NUP93: variants seen among roughly 807,000 people sequenced by gnomAD.
NUP93 encodes nucleoporin 93.
NUP93 carries 55 observed loss-of-function variants against 107.8 expected under a neutral mutation model. The observed-to-expected ratio is 0.51, with a 90% confidence interval of 0.41 to 0.64. The LOEUF (loss-of-function observed/expected upper bound fraction) is 0.64, where lower values mean the gene tolerates loss of function less well. Ranked by LOEUF, NUP93 falls within the 30% of genes least tolerant of loss-of-function variation. The pLI is 0.00. For synonymous variants in NUP93, 390 were observed against 397.5 expected, an observed-to-expected ratio of 0.98 and a Z score of 0.22; for missense variants, 937 against 1,044.7, an observed-to-expected ratio of 0.90 and a Z score of 1.42.
At chr16:56,826,086 A>T (rs563173479) in intron 8 of NUP93, among the ~76,000 whole-genome samples, 79 of 152,344 alleles carry the variant, frequency 5.2e-4, no homozygotes, top group Non-Finnish European at 8.7e-4. Flanking sequence ...CCCTCAAGGA[A>T]TTTAGACTTC....
chr16:56,842,039 A>G (rs1426322374), intron 21 of NUP93, among the ~76,000 whole-genome samples: 1 of 152,202 alleles, frequency 6.6e-6, no homozygotes, highest in African/African-American at 2.4e-5. Flanking sequence ...AAATAAAAAG[A>G]TGTACTAGGT....
chr16:56,836,656 C>T lies in NUP93; in HGVS notation c.1838C>T (p.Ala613Val). The T allele has an allele frequency of 6.2e-7, 1 of 1,614,144 alleles. No homozygotes were observed. The change falls in exon 17 of 22, where the codon GCT becomes GTT. Residue 613 changes from alanine (A) to valine (V), a missense_variant. Physicochemically the swap from Ala to Val is moderately conservative, Grantham distance 64. Transcript: ENST00000308159. ...ACAAAGCCTATTATCAACAAAGTTGCTTCTGTGGCAGAAAATAAAGGACTG... is the reference window on the plus strand; with the variant it reads ...ACAAAGCCTATTATCAACAAAGTTGTTTCTGTGGCAGAAAATAAAGGACTG... The part of the protein sequence containing the change: ...SDTKPIINKV[A>V]SVAENKGLFE...
At chr16:56,733,687 G>T (rs76058070) in intron 1 of NUP93, among the ~76,000 whole-genome samples, 30,886 of 152,084 alleles carry the variant, frequency 0.2, 3,364 homozygotes, top group Middle Eastern at 0.33. Context: ...CTTGGGAAAA[G>T]AGTTGGGCTG....
intron 3 of NUP93, among the ~76,000 whole-genome samples, chr16:56,794,257 A>G (rs757999824): frequency 3.3e-5 from 5 of 152,130 alleles, no homozygotes; most frequent in Non-Finnish European, 4.4e-5. Flanking sequence ...TTAAAATTCA[A>G]AATCTATTTT....
At chr16:56,774,851 T>G (rs1316275116) in intron 3 of NUP93, among the ~76,000 whole-genome samples, 1 of 152,138 alleles carries the variant, frequency 6.6e-6, no homozygotes, top group African/African-American at 2.4e-5. Context: ...AGAAATCATA[T>G]GTGGGTAGTC....
At chr16:56,783,828 G>A (rs1201298822) in intron 3 of NUP93, 9 of 985,222 alleles carry the variant, frequency 9.1e-6, no homozygotes, top group African/African-American at 3.5e-5. Flanking sequence ...TCTTTAGGAA[G>A]GTGGAGAATA....
chr16:56,775,507 C>A (rs1420064657), intron 3 of NUP93, among the ~76,000 whole-genome samples: 3 of 151,474 alleles, frequency 2.0e-5, no homozygotes, highest in Non-Finnish European at 4.4e-5. Flanking sequence ...TTAAAATGCT[C>A]CAGTATCTTA....
intron 17 of NUP93, among the ~76,000 whole-genome samples, chr16:56,837,364 A>G (rs527524232): frequency 5.3e-5 from 8 of 152,350 alleles, no homozygotes; most frequent in African/African-American, 1.9e-4. Flanking sequence ...GGAGTTCGAG[A>G]CTAGCCTGGC....
intron 6 of NUP93, among the ~76,000 whole-genome samples, chr16:56,819,572 A>G (rs542097932): frequency 6.6e-6 from 1 of 152,174 alleles, no homozygotes; most frequent in East Asian, 1.9e-4. Flanking sequence ...AACATTATCC[A>G]CCTCATCCTC....
chr16:56,770,417 C>A (rs1962297841), intron 3 of NUP93, among the ~76,000 whole-genome samples: 1 of 152,100 alleles, frequency 6.6e-6, no homozygotes. Flanking sequence ...TGTTTTCACC[C>A]CTTGAGTTAA....
At chr16:56,788,129 G>A (rs761254068) in intron 3 of NUP93, among the ~76,000 whole-genome samples, 9 of 152,176 alleles carry the variant, frequency 5.9e-5, no homozygotes, top group Non-Finnish European at 1.0e-4. Flanking sequence ...CTCTCCTGGG[G>A]TTACCTCAGC....
At chr16:56,814,670 C>T (rs1157691599) in intron 5 of NUP93, among the ~76,000 whole-genome samples, 5 of 152,234 alleles carry the variant, frequency 3.3e-5, no homozygotes, top group African/African-American at 7.2e-5. Context: ...TCTGACGAGA[C>T]TTTTCTCAGT....
At chr16:56,799,587 G>A (rs1962977610) in intron 4 of NUP93, among the ~76,000 whole-genome samples, 1 of 152,200 alleles carries the variant, frequency 6.6e-6, no homozygotes, top group Admixed American at 6.5e-5. Context: ...AGGCTGGCAG[G>A]ATACATTCCA....
intron 1 of NUP93, among the ~76,000 whole-genome samples, chr16:56,734,569 G>A (rs1350893913): frequency 6.6e-6 from 1 of 152,130 alleles, no homozygotes; most frequent in East Asian, 1.9e-4. Flanking sequence ...AGAACAGACT[G>A]GGAAGTGGGA....
At chr16:56,819,855 C>T (rs1454289342) in intron 6 of NUP93, among the ~76,000 whole-genome samples, 1 of 152,190 alleles carries the variant, frequency 6.6e-6, no homozygotes, top group African/African-American at 2.4e-5. Context: ...CGTCAGACTC[C>T]AGGCAGCTGA....
rs1326231744 is a variant in NUP93, at chr16:56,805,437, T to C, written c.361-67T>C. On this transcript the variant is annotated intron_variant, in intron 4 of 21. Coordinates refer to ENST00000308159, the MANE Select transcript of NUP93 (RefSeq NM_014669.5). ...GGTCTGGAGGGCTTTAGGTTTCTGT[T>C]GGGTCTTAAACCATGTTTTTTTTGT... The C allele has an allele frequency of 1.9e-6, 3 of 1,577,334 alleles. No homozygotes were observed. The African/African-American group carries it at 4.1e-5, about 21-fold the overall frequency.
At chr16:56,788,772 A>T (rs1025810009) in intron 3 of NUP93, among the ~76,000 whole-genome samples, 2 of 152,188 alleles carry the variant, frequency 1.3e-5, no homozygotes, top group Admixed American at 1.3e-4. Flanking sequence ...CTAGCTTGAT[A>T]CTGTGGTGTA....
chr16:56,844,643 C>T lies in NUP93; in HGVS notation c.*34C>T. ...CTTTGTGGGAGTCTGGGTCGGCACACTGTCAGTACATCAGGCACATGGGCC... is the reference window on the plus strand; with the variant it reads ...CTTTGTGGGAGTCTGGGTCGGCACATTGTCAGTACATCAGGCACATGGGCC... On this transcript the variant is annotated 3_prime_UTR_variant, in exon 22 of 22. Transcript: ENST00000308159. 1 of 1,433,258 alleles carries T rather than the reference C, an allele frequency of 7.0e-7. No individual in the cohort carries two copies. Among genetic ancestry groups the T allele is most frequent in the Non-Finnish European group, 9.6e-7 (1 of 1,037,470 alleles). The allele number at this position is 1,433,258 out of a possible 1,614,324, so 88.8% of individuals were successfully genotyped here. A position where few individuals can be genotyped will look rare whatever the true frequency, so the allele number is the denominator to read the frequency against.
chr16:56,835,653 A>G (rs1365427715), intron 16 of NUP93, among the ~76,000 whole-genome samples: 2 of 152,184 alleles, frequency 1.3e-5, no homozygotes, highest in Admixed American at 6.5e-5. Flanking sequence ...AGTCACCTCA[A>G]CCTGGTCCAG....
Sources: allele counts gnomAD v4.1 joint callset (sites outside exome capture counted in the v4.1 genomes callset), GRCh38; gene constraint gnomAD v4.1.1; transcripts MANE v1.5; gene names NCBI Gene and HGNC (gene_info 2026-07-23, HGNC 2026-07-21).